ARHGAP32: variants seen among roughly 807,000 people sequenced by gnomAD.
ARHGAP32 encodes Rho GTPase activating protein 32, also known as rho GTPase-activating protein 32.
Under a neutral mutation model 186.5 loss-of-function variants are expected in ARHGAP32, and 51 were observed. The ratio of observed to expected loss-of-function variants is 0.27; its 90% confidence interval spans 0.22 to 0.35. The LOEUF (loss-of-function observed/expected upper bound fraction) is 0.35. Among genes scored for constraint, ARHGAP32 ranks in the 10% least tolerant of loss-of-function variants. ARHGAP32 has a pLI of 1.00. For synonymous variants in ARHGAP32, 950 were observed against 964.3 expected (o/e 0.99, Z 0.27); for missense variants, 2,186 against 2,623.5 (o/e 0.83, Z 3.64).
At chr11:129,147,570 G>A (rs1943192505) in intron 2 of ARHGAP32, among the ~76,000 whole-genome samples, 1 of 152,202 alleles carries the variant, frequency 6.6e-6, no homozygotes. Context: ...CAACTCTGCA[G>A]AGATGGAACT....
At position 128,969,531 on chromosome 11, in the gene ARHGAP32, G is replaced by A. The variant is rs1244224965; in HGVS notation, c.5682C>T (p.His1894=). The change falls in exon 23 of 23, where the codon CAC becomes CAT. Residue 1894 remains histidine (H), a synonymous_variant. Transcript: ENST00000682385. This position sits in a 1 kb window ranked among gnomAD's most constrained non-coding sequence, Gnocchi z 4.8. ...MGCSLPEHRA[H]QEASHRQFCE... ...AGAACTGCCTATGGCTTGCTTCTTG[G>A]TGTGCCCTGTGCTCAGGAAGACTGC... The A allele has an allele frequency of 6.2e-7, 1 of 1,614,158 alleles. No homozygotes were observed. Among genetic ancestry groups the A allele is most frequent in the Non-Finnish European group, 8.5e-7 (1 of 1,180,044 alleles).
Position 128,967,063 on chromosome 11 carries a change from TAC to T in ARHGAP32, c.*1842_*1843del, listed in dbSNP as rs1183576117. 6.6e-6 allele frequency: 1 copy of T among 152,230 alleles called. No individual in the cohort carries two copies. The highest frequency in any genetic ancestry group is 1.5e-5 in the Non-Finnish European group (1 of 68,034). 9.4% of individuals were successfully genotyped at this position (152,230 alleles called of 1,614,324 possible). On this transcript the variant is annotated 3_prime_UTR_variant, in exon 23 of 23. Transcript: ENST00000682385. ...CATATGGGTGTTTCAAGGTTTCTAC[TAC>T]AGTTTTTACTGCATCCCTCCAATGA...
At chr11:128,995,985 G>A (rs562666768) in intron 12 of ARHGAP32, among the ~76,000 whole-genome samples, 16 of 152,316 alleles carry the variant, frequency 1.1e-4, no homozygotes, top group African/African-American at 3.6e-4. Context: ...ACACTATAAA[G>A]TGTCTTGCTA....
intron 5 of ARHGAP32, among the ~76,000 whole-genome samples, chr11:129,110,296 T>C (rs1349073463): frequency 6.6e-6 from 1 of 152,170 alleles, no homozygotes; most frequent in Non-Finnish European, 1.5e-5. Context: ...GTTCCATTAC[T>C]CTACATGTTT....
At chr11:129,056,771 C>T (rs760510491) in intron 10 of ARHGAP32, among the ~76,000 whole-genome samples, 3 of 152,130 alleles carry the variant, frequency 2.0e-5, no homozygotes, top group Non-Finnish European at 4.4e-5. Context: ...GCAGACATAT[C>T]GGGCCTGGGT....
chr11:128,992,139 T>C (rs763835892), intron 12 of ARHGAP32, among the ~76,000 whole-genome samples: 2 of 152,194 alleles, frequency 1.3e-5, no homozygotes, highest in African/African-American at 4.8e-5. Context: ...TGGTGTTATC[T>C]GGGCCTTGCT....
intron 1 of ARHGAP32, among the ~76,000 whole-genome samples, chr11:129,249,349 A>G (rs1945148243): frequency 6.6e-6 from 1 of 152,204 alleles, no homozygotes; most frequent in Non-Finnish European, 1.5e-5. Flanking sequence ...ACATACATAT[A>G]TACATACACC....
At chr11:129,081,142 C>T (rs745641687) in intron 6 of ARHGAP32, among the ~76,000 whole-genome samples, 2 of 151,956 alleles carry the variant, frequency 1.3e-5, no homozygotes, top group Non-Finnish European at 2.9e-5. Context: ...AAAAAAAAGT[C>T]CAGGACCAGA....
At chr11:129,063,345 T>C (rs1591580953) in intron 9 of ARHGAP32, among the ~76,000 whole-genome samples, 3 of 152,264 alleles carry the variant, frequency 2.0e-5, no homozygotes, top group South Asian at 4.1e-4. Flanking sequence ...TTTCTCTCAT[T>C]AGCCAATATA....
intron 1 of ARHGAP32, among the ~76,000 whole-genome samples, chr11:129,249,771 TAA>T: frequency 6.6e-6 from 1 of 152,136 alleles, no homozygotes; most frequent in East Asian, 1.9e-4. Flanking sequence ...TTTAGTCCTT[TAA>T]AAAAGTTTTG....
intron 10 of ARHGAP32, among the ~76,000 whole-genome samples, chr11:129,046,785 A>C (rs1021467786): frequency 6.6e-6 from 1 of 152,148 alleles, no homozygotes; most frequent in Non-Finnish European, 1.5e-5. Context: ...CAAAAACCTA[A>C]AAAGGAATTC....
At chr11:129,053,646 T>A (rs1480303095) in intron 10 of ARHGAP32, among the ~76,000 whole-genome samples, 2 of 152,208 alleles carry the variant, frequency 1.3e-5, no homozygotes, top group African/African-American at 4.8e-5. Flanking sequence ...AGTTTCTTCA[T>A]CTAAAATGAG....
At chr11:129,202,251 T>C (rs1392859403) in intron 1 of ARHGAP32, among the ~76,000 whole-genome samples, 3 of 152,212 alleles carry the variant, frequency 2.0e-5, no homozygotes, top group Non-Finnish European at 4.4e-5. Flanking sequence ...ATTCACTGTT[T>C]AACTTTTTAG....
rs556307569 is a variant in ARHGAP32, at chr11:129,278,657, T to G, written c.-5+489A>C. Among the ~76,000 whole-genome samples, 5 of 152,104 alleles carry G rather than the reference T, an allele frequency of 3.3e-5. No homozygotes were observed. In the East Asian group the frequency reaches 9.7e-4, roughly 30 times the overall value. On this transcript the variant is annotated intron_variant, in intron 1 of 6. Transcript: ENST00000525234. ...TCAATCGGAAAGACGAGGGGGGAACTCCACGGGAGCCTAAGGGAGCAGAGA... is the reference window on the plus strand; with the variant it reads ...TCAATCGGAAAGACGAGGGGGGAACGCCACGGGAGCCTAAGGGAGCAGAGA...
intron 21 of ARHGAP32, chr11:128,973,715 G>T: frequency 1.9e-6 from 1 of 538,432 alleles, no homozygotes. Context: ...AGAAAAGATT[G>T]CTTAGAAAAC....
At chr11:129,199,826 G>A (rs1944437729) in intron 1 of ARHGAP32, among the ~76,000 whole-genome samples, 1 of 152,206 alleles carries the variant, frequency 6.6e-6, no homozygotes, top group African/African-American at 2.4e-5. Flanking sequence ...TGCACTGTGA[G>A]CCTGGAAAAG....
intron 1 of ARHGAP32, among the ~76,000 whole-genome samples, chr11:129,219,326 T>C (rs1185519520): frequency 2.6e-5 from 4 of 152,218 alleles, no homozygotes; most frequent in Non-Finnish European, 5.9e-5. Context: ...ATTGAGATAG[T>C]TGTAATTATC....
chr11:129,019,556 T>A (rs1300748017), intron 11 of ARHGAP32, among the ~76,000 whole-genome samples: 1 of 152,200 alleles, frequency 6.6e-6, no homozygotes, highest in Non-Finnish European at 1.5e-5. Context: ...TAATAAGTTA[T>A]CAGAATTACA....
rs117727993 is a variant in ARHGAP32 at position 129,024,219 on chromosome 11, T to C, written c.1045+16709A>G. On this transcript the variant is annotated intron_variant, in intron 11 of 22. Coordinates refer to ENST00000682385, the MANE Select transcript of ARHGAP32 (RefSeq NM_001378024.1). ...GCAACACCACAGAAACGCCCCAGCC[T>C]AAACTCACACTTGCAGAACAGGCTT... The C allele has an allele frequency of 1.0e-3, 1,008 of 975,860 alleles. 23 individuals are homozygous for C. The East Asian group carries it at 0.074, about 71-fold the overall frequency. The allele number at this position is 975,860 out of a possible 1,614,324, so 60.5% of individuals were successfully genotyped here.
Sources: allele counts gnomAD v4.1 joint callset (sites outside exome capture counted in the v4.1 genomes callset), GRCh38; gene constraint gnomAD v4.1.1; non-coding constraint Gnocchi (gnomAD v3.1); transcripts MANE v1.5; gene names NCBI Gene and HGNC (gene_info 2026-07-23, HGNC 2026-07-21).